The following CHAT variants were observed in gnomAD, a reference collection of about 807,000 sequenced individuals.
CHAT encodes the protein choline O-acetyltransferase.
A neutral mutation model predicts 76.9 loss-of-function variants in CHAT; 61 were observed. The ratio of observed to expected loss-of-function variants is 0.79; its 90% CI spans 0.65 to 0.98. The LOEUF is 0.98. Among genes scored for constraint, CHAT ranks in the 50% least tolerant of loss-of-function variants. The pLI, the probability that CHAT is intolerant of heterozygous loss-of-function variation, is 0.00. For missense variants in CHAT, 946 were observed against 986.9 expected, an observed-to-expected ratio of 0.96 and a Z score of 0.56; for synonymous variants, 407 against 397.4, an observed-to-expected ratio of 1.02 and a Z score of -0.29.
chr10:49,647,764 C>A (rs867128832), intron 8 of CHAT, among the ~76,000 whole-genome samples: 2 of 48,964 alleles, frequency 4.1e-5, no homozygotes, highest in African/African-American at 8.6e-5. Context: ...TCCTTCCTTC[C>A]TTCCTTCCTT....
At chr10:49,620,434 G>T in intron 3 of CHAT, 61 bp from the exon 4 acceptor site, 1 of 1,102,348 alleles carries the variant, frequency 9.1e-7, no homozygotes, top group Non-Finnish European at 1.4e-6. Context: ...ATTTTCTCTC[G>T]GGGCTGTCAG....
chr10:49,655,821 G>A lies in CHAT; in HGVS notation c.1839+373G>A, dbSNP rs1840017791. Among the ~76,000 whole-genome samples, 3 of 152,250 alleles carry A rather than the reference G, an allele frequency of 2.0e-5. No homozygotes were observed. In the South Asian group the frequency reaches 6.2e-4, roughly 32 times the overall value. On this transcript the variant is annotated intron_variant, in intron 13 of 14. Transcript: ENST00000337653. ...GGGTCACACACCTTCCCCAATCTCA[G>A]GCAAAACAGTATCTGTTCCCACCTA...
chr10:49,611,009 C>A (rs571025751), upstream of CHAT: 5 of 1,613,660 alleles, frequency 3.1e-6, no homozygotes, highest in African/African-American at 6.7e-5. Context: ...CCGGCCAATG[C>A]CAGCGCCTAC....
At chr10:49,664,664 T>C (rs1840297325) in intron 14 of CHAT, 113 bp from the exon 15 acceptor site, 3 of 1,275,960 alleles carry the variant, frequency 2.4e-6, no homozygotes, top group Admixed American at 3.4e-5. Context: ...AGCAATCACT[T>C]GATTTGGTTA....
In CHAT at chr10:49,646,544, G is replaced by T. The variant is rs1385019490; in HGVS notation, c.1151G>T (p.Cys384Phe). ...GACTCGCTGGACATGATTGAGCGCT[G>T]CATCTGCCTTGTATGCCTGGACGCG... is the stretch of plus-strand genomic sequence containing the variant. ...NRDSLDMIER[C>F]ICLVCLDAPG... The change falls in exon 8 of 15, where the codon TGC becomes TTC. Residue 384 changes from cysteine (C) to phenylalanine (F), a missense_variant. Cys to Phe is a radical substitution (Grantham distance 205). Transcript: ENST00000337653. The T allele has an allele frequency of 1.2e-6, 2 of 1,614,242 alleles. No individual in the cohort carries two copies. The highest frequency in any genetic ancestry group is 1.1e-5 in the South Asian group (1 of 91,088).
intron 11 of CHAT, among the ~76,000 whole-genome samples, chr10:49,653,407 C>T (rs1160615572): frequency 7.0e-6 from 1 of 143,824 alleles, no homozygotes; most frequent in Non-Finnish European, 1.6e-5. Flanking sequence ...CTGCTATGAA[C>T]GGTAAAGCTC....
chr10:49,611,590 C>T (rs761391851), upstream of CHAT: 3 of 1,609,754 alleles, frequency 1.9e-6, no homozygotes, highest in Admixed American at 3.3e-5. Context: ...TCCCATCCAC[C>T]GCCTCATGCT....
At chr10:49,621,587 C>T (rs1014149006) in intron 4 of CHAT, among the ~76,000 whole-genome samples, 1 of 152,066 alleles carries the variant, frequency 6.6e-6, no homozygotes, top group African/African-American at 2.4e-5. Context: ...ACTGGCTTTT[C>T]CCAGGAGAAA....
chr10:49,618,470 G>A (rs1838579259), intron 2 of CHAT, among the ~76,000 whole-genome samples: 1 of 152,198 alleles, frequency 6.6e-6, no homozygotes, highest in Non-Finnish European at 1.5e-5. Context: ...CACTGGCCAA[G>A]TGAGGGACAA....
chr10:49,611,886 G>T, upstream of CHAT: 1 of 1,610,256 alleles, frequency 6.2e-7, no homozygotes. Flanking sequence ...CCTTCGCGCC[G>T]CTAGTGGTCT....
At position 49,619,926 on chromosome 10, in the gene CHAT, G is replaced by A; in HGVS notation, c.579+10G>A. ...GAAGACAGCCAACTGGGTAAGAGGG[G>A]CAGACAAGGAACCCATAGAAGAGGG... On this transcript the variant is annotated intron_variant, in intron 3 of 14. Transcript: ENST00000337653. 2 of 1,608,440 alleles carry A rather than the reference G, an allele frequency of 1.2e-6. No individual in the cohort carries two copies. Among genetic ancestry groups the A allele is most frequent in the Non-Finnish European group, 8.5e-7 (1 of 1,177,986 alleles).
intron 1 of CHAT, chr10:49,615,914 G>A (rs773509510): frequency 3.4e-5 from 31 of 900,036 alleles, no homozygotes; most frequent in Middle Eastern, 3.1e-4. Flanking sequence ...GAGTCTCCCT[G>A]CCCTGGCCAC....
At chr10:49,618,116 T>C (rs1355015816) in intron 2 of CHAT, among the ~76,000 whole-genome samples, 2 of 152,180 alleles carry the variant, frequency 1.3e-5, no homozygotes, top group Non-Finnish European at 2.9e-5. Context: ...CCAGGAACCA[T>C]ATTGCAGAAT....
intron 1 of CHAT, among the ~76,000 whole-genome samples, chr10:49,616,253 A>T (rs763224106): frequency 1.1e-4 from 17 of 152,148 alleles, no homozygotes; most frequent in Middle Eastern, 3.4e-3. Flanking sequence ...GTGACAACAG[A>T]CTCATGAGAG....
In CHAT at chr10:49,646,566, C is replaced by T. The variant is rs141690626; in HGVS notation, c.1173C>T (p.Asp391=). 122 of 1,614,224 alleles carry T rather than the reference C, an allele frequency of 7.6e-5. 1 individual carries two copies. Among genetic ancestry groups the T allele is most frequent in the African/African-American group, 6.3e-4 (47 of 75,064 alleles). Residue 391 remains aspartate, a synonymous_variant, in exon 8 of 15, where the codon GAC becomes GAT. Coordinates refer to ENST00000337653, the MANE Select transcript of CHAT (RefSeq NM_020549.5). ...GCTGCATCTGCCTTGTATGCCTGGA[C>T]GCGCCAGGAGGCGTGGAGCTCAGCG... ...IERCICLVCL[D]APGGVELSDT...
At chr10:49,638,573 A>G (rs575021372) in intron 7 of CHAT, among the ~76,000 whole-genome samples, 11 of 152,222 alleles carry the variant, frequency 7.2e-5, no homozygotes, top group South Asian at 4.2e-4. Context: ...TATACCTGTA[A>G]CTTTTTTAAA....
upstream of CHAT, among the ~76,000 whole-genome samples, chr10:49,613,448 C>T (rs967937544): frequency 1.3e-5 from 2 of 152,166 alleles, no homozygotes; most frequent in African/African-American, 4.8e-5. Flanking sequence ...CCAGCGTTCG[C>T]GCAACACTCC....
At chr10:49,622,916 A>G (rs1392580895) in intron 5 of CHAT, among the ~76,000 whole-genome samples, 1 of 152,202 alleles carries the variant, frequency 6.6e-6, no homozygotes, top group Non-Finnish European at 1.5e-5. Context: ...GACTCAATTC[A>G]GTCTTTACCC....
At chr10:49,615,944 C>A in intron 1 of CHAT, 3 of 1,271,402 alleles carry the variant, frequency 2.4e-6, no homozygotes, top group Non-Finnish European at 2.3e-6. Context: ...TCCCAATTAG[C>A]CCAGATGCAT....
Sources: gnomAD v4.1 joint callset for allele counts (sites outside exome capture counted in the v4.1 genomes callset) on GRCh38, gnomAD v4.1.1 for gene constraint, MANE v1.5 for transcripts, NCBI Gene and HGNC (gene_info 2026-07-23, HGNC 2026-07-21) for gene names.